Variants in RBFOX1 observed in about 807,000 individuals in gnomAD.
RBFOX1 encodes RNA binding protein fox-1 homolog 1.
Under a neutral mutation model 57.7 loss-of-function variants are expected in RBFOX1, and 8 were observed. The observed-to-expected ratio is 0.14, with a 90% CI of 0.08 to 0.25. RBFOX1 has a LOEUF of 0.25. Ranked by LOEUF, RBFOX1 falls within the 10% of genes least tolerant of loss-of-function variation. The pLI is 1.00. For missense variants in RBFOX1, 611 were observed against 548.5 expected (o/e 1.11, Z -1.14); for synonymous variants, 326 against 222.4 (o/e 1.47, Z -4.15).
intron 4 of RBFOX1, among the ~76,000 whole-genome samples, chr16:7,412,202 C>T (rs2098435832): frequency 6.6e-6 from 1 of 151,814 alleles, no homozygotes; most frequent in African/African-American, 2.4e-5. Flanking sequence ...GGAGGACTAC[C>T]TGAGGAGTTC....
intron 3 of RBFOX1, among the ~76,000 whole-genome samples, chr16:6,939,397 G>C (rs537945223): frequency 1.3e-5 from 2 of 151,592 alleles, no homozygotes; most frequent in South Asian, 4.2e-4. Context: ...GTGTGTGTGT[G>C]TGTGTATATA....
intron 4 of RBFOX1, among the ~76,000 whole-genome samples, chr16:7,494,064 T>C (rs1567493043): frequency 6.6e-6 from 1 of 152,222 alleles, no homozygotes; most frequent in Non-Finnish European, 1.5e-5. Context: ...AGAGTGGTTA[T>C]GGAGGCTTAA....
chr16:7,030,821 T>C (rs2042598652), intron 3 of RBFOX1, among the ~76,000 whole-genome samples: 3 of 152,220 alleles, frequency 2.0e-5, no homozygotes, highest in Admixed American at 2.0e-4. Context: ...AGGACTTGAC[T>C]TCATCCGTGT....
At chr16:7,488,414 C>A (rs2065983803) in intron 4 of RBFOX1, among the ~76,000 whole-genome samples, 1 of 145,226 alleles carries the variant, frequency 6.9e-6, no homozygotes, top group African/African-American at 2.5e-5. Context: ...TATCTACTGT[C>A]TGCCTGTCTA....
chr16:7,227,837 A>G (rs1323030977), intron 4 of RBFOX1, among the ~76,000 whole-genome samples: 1 of 152,162 alleles, frequency 6.6e-6, no homozygotes, highest in Admixed American at 6.5e-5. Flanking sequence ...GCCCACGGTG[A>G]TGATGACTTC....
chr16:6,966,729 C>A (rs1184831093), intron 3 of RBFOX1, among the ~76,000 whole-genome samples: 1 of 152,030 alleles, frequency 6.6e-6, no homozygotes, highest in South Asian at 2.1e-4. Flanking sequence ...TGAGAAGTCA[C>A]TGTAACTCTG....
At position 6,751,061 on chromosome 16, in the gene RBFOX1, C is replaced by T. The variant is rs368700170; in HGVS notation, c.-16+96411C>T. On this transcript the variant is annotated intron_variant, in intron 3 of 15. Transcript: ENST00000550418. ...ATGTGGGAAAGAACTAAAAGGAGAT[C>T]AGGGTGGCAAAGCTTAGCAGAGAAG... Among the ~76,000 whole-genome samples, 75 of 152,206 alleles carry T rather than the reference C, an allele frequency of 4.9e-4. No homozygotes were observed. In the South Asian group the frequency reaches 0.015, roughly 30 times the overall value.
At chr16:5,484,810 G>T (rs1423063693) in intron 2 of RBFOX1, among the ~76,000 whole-genome samples, 1 of 151,878 alleles carries the variant, frequency 6.6e-6, no homozygotes, top group Non-Finnish European at 1.5e-5. Context: ...TACTCAGGAG[G>T]CTGAGGCAGG....
chr16:5,636,531 C>T (rs2048691591), intron 3 of RBFOX1, among the ~76,000 whole-genome samples: 1 of 132,634 alleles, frequency 7.5e-6, no homozygotes, highest in African/African-American at 2.5e-5. Context: ...ATGGAGATGG[C>T]CAGTGGCAAG....
intron 4 of RBFOX1, among the ~76,000 whole-genome samples, chr16:7,453,676 G>T (rs1227113111): frequency 3.3e-5 from 5 of 152,124 alleles, no homozygotes; most frequent in Non-Finnish European, 7.4e-5. Flanking sequence ...CCAAGCACTG[G>T]TCAAGGTACT....
rs112209619 is a variant in RBFOX1, at chr16:6,025,112, T to C, written c.-127+5120T>C. On this transcript the variant is annotated intron_variant, in intron 1 of 15. Transcript: ENST00000550418. ...ATGCAGAGAGATACCAGGATATATTTATGTCTTAAACATTATGGGAAAATT... is the reference window on the plus strand; with the variant it reads ...ATGCAGAGAGATACCAGGATATATTCATGTCTTAAACATTATGGGAAAATT... 7.9e-5 allele frequency among the ~76,000 whole-genome samples: 12 copies of C among 152,248 alleles called. 1 individual carries two copies. Among genetic ancestry groups the C allele is most frequent in the African/African-American group, 2.9e-4 (12 of 41,468 alleles).
In RBFOX1 at chr16:6,136,593, T is replaced by G. The variant is rs563394096; in HGVS notation, c.-127+116601T>G. 2.6e-5 allele frequency among the ~76,000 whole-genome samples: 4 copies of G among 152,318 alleles called. No individual in the cohort carries two copies. The South Asian group carries it at 8.3e-4, about 32-fold the overall frequency. ...CTTCAGAGCTCAAGTCTAAACTAAT[T>G]TAATGTAAATTATACATTTGCAAGT... is the stretch of plus-strand genomic sequence containing the variant. On this transcript the variant is annotated intron_variant, in intron 1 of 15. Coordinates refer to ENST00000550418, the MANE Select transcript of RBFOX1 (RefSeq NM_018723.4).
At chr16:7,324,698 GA>G (rs1269605296) in intron 4 of RBFOX1, among the ~76,000 whole-genome samples, 2 of 152,112 alleles carry the variant, frequency 1.3e-5, no homozygotes, top group African/African-American at 2.4e-5. Context: ...AACCACTGGG[GA>G]TTTGAGTTTG....
chr16:5,396,162 A>G (rs2066548304), intron 1 of RBFOX1, among the ~76,000 whole-genome samples: 1 of 152,230 alleles, frequency 6.6e-6, no homozygotes, highest in Non-Finnish European at 1.5e-5. Context: ...CAATGGGCAT[A>G]TTAATACTTA....
At chr16:5,777,023 C>A (rs1488715229) in intron 3 of RBFOX1, among the ~76,000 whole-genome samples, 1 of 152,188 alleles carries the variant, frequency 6.6e-6, no homozygotes. Flanking sequence ...TGTAGCACAG[C>A]TCTGCTGCAA....
intron 3 of RBFOX1, among the ~76,000 whole-genome samples, chr16:7,016,142 G>C (rs1319879101): frequency 1.3e-5 from 2 of 152,098 alleles, no homozygotes; most frequent in African/African-American, 4.8e-5. Context: ...GGAAGAGTGA[G>C]ACACCACCAG....
Position 6,019,742 on chromosome 16 carries a change from T to A in RBFOX1, c.-377T>A. Reference sequence around the variant, plus strand: ...CGGACCGCGCGCCCGGGATTGAGAGTCCTTGCGCTCCAGACCCCCACCCAG... The same window carrying A: ...CGGACCGCGCGCCCGGGATTGAGAGACCTTGCGCTCCAGACCCCCACCCAG... On this transcript the variant is annotated 5_prime_UTR_variant, in exon 1 of 16. Coordinates refer to ENST00000550418, the MANE Select transcript of RBFOX1 (RefSeq NM_018723.4). The surrounding 1 kb of genome is among the most constrained non-coding windows in gnomAD (Gnocchi z 4.2). 1 of 1,371,152 alleles carries A rather than the reference T, an allele frequency of 7.3e-7. No individual in the cohort carries two copies. Among genetic ancestry groups the A allele is most frequent in the Admixed American group, 3.1e-5 (1 of 31,890 alleles). 84.9% of individuals were successfully genotyped at this position (1,371,152 alleles called of 1,614,324 possible).
chr16:6,608,860 C>T (rs1367065552), intron 2 of RBFOX1, among the ~76,000 whole-genome samples: 1 of 152,208 alleles, frequency 6.6e-6, no homozygotes, highest in Non-Finnish European at 1.5e-5. Context: ...ATCATGGTGC[C>T]AGCAGGGCTG....
intron 4 of RBFOX1, among the ~76,000 whole-genome samples, chr16:7,238,472 C>G (rs1360895525): frequency 6.6e-6 from 1 of 152,166 alleles, no homozygotes; most frequent in Admixed American, 6.5e-5. Flanking sequence ...GTTTCCCCTT[C>G]CTGCAATATT....
Sources: allele counts gnomAD v4.1 joint callset (sites outside exome capture counted in the v4.1 genomes callset), GRCh38; gene constraint gnomAD v4.1.1; non-coding constraint Gnocchi (gnomAD v3.1); transcripts MANE v1.5; gene names NCBI Gene and HGNC (gene_info 2026-07-23, HGNC 2026-07-21).